ARID5B: variants seen among roughly 807,000 people sequenced by gnomAD.
ARID5B encodes the protein AT-rich interaction domain 5B, also known as AT-rich interactive domain-containing protein 5B.
ARID5B carries 13 observed loss-of-function variants against 97.2 expected under a neutral mutation model. That is an observed-to-expected ratio of 0.13 (90% confidence interval 0.09 to 0.21). The LOEUF (loss-of-function observed/expected upper bound fraction) is 0.21, where lower values mean the gene tolerates loss of function less well. Ranked by LOEUF, ARID5B falls within the 10% of genes least tolerant of loss-of-function variation. ARID5B has a pLI of 1.00. For missense variants in ARID5B, 1,210 were observed against 1,465.3 expected, an observed-to-expected ratio of 0.83 and a Z score of 2.84; for synonymous variants, 556 against 570.3, an observed-to-expected ratio of 0.97 and a Z score of 0.36.
chr10:61,907,988 G>C (rs145722583), intron 2 of ARID5B, among the ~76,000 whole-genome samples: 49 of 152,246 alleles, frequency 3.2e-4, no homozygotes, highest in Admixed American at 5.2e-4. Context: ...TTGAGTTTTG[G>C]CCATTAACCA....
intron 2 of ARID5B, among the ~76,000 whole-genome samples, chr10:61,903,269 C>G (rs949109139): frequency 7.9e-5 from 12 of 151,032 alleles, no homozygotes; most frequent in African/African-American, 2.9e-4. Context: ...CCGGGGAGGG[C>G]GGGGAGGGGA....
chr10:62,092,450 T>A lies in ARID5B; in HGVS notation c.2987T>A (p.Ile996Asn). ...FRKMEGMVHP[I>N]LHRKMSPQNI... ...AAGATGGAAGGCATGGTCCACCCAATCCTGCACCGGAAAATGAGCCCGCAG... is the reference window on the plus strand; with the variant it reads ...AAGATGGAAGGCATGGTCCACCCAAACCTGCACCGGAAAATGAGCCCGCAG... The change falls in exon 10 of 10, where the codon ATC becomes AAC. Residue 996 changes from isoleucine (I) to asparagine (N), a missense_variant. Physicochemically the swap from Ile to Asn is moderately radical, Grantham distance 149 (BLOSUM62 -3). Around this residue, in one of 8 missense-constraint regions of ARID5B, gnomAD observed 800 missense variants for 839.1 expected, o/e 0.95. Transcript: ENST00000279873. The A allele has an allele frequency of 1.2e-6, 2 of 1,614,122 alleles. No individual in the cohort carries two copies. The highest frequency in any genetic ancestry group is 1.7e-6 in the Non-Finnish European group (2 of 1,180,010).
intron 6 of ARID5B, among the ~76,000 whole-genome samples, chr10:62,058,197 A>G (rs1013754203): frequency 1.3e-5 from 2 of 152,192 alleles, no homozygotes; most frequent in Admixed American, 6.5e-5. Flanking sequence ...AATGATTACA[A>G]TGTTTGTCTG....
intron 8 of ARID5B, among the ~76,000 whole-genome samples, chr10:62,084,513 T>C (rs1840255958): frequency 6.6e-6 from 1 of 152,212 alleles, no homozygotes; most frequent in South Asian, 2.1e-4. Context: ...CTTCATTGAG[T>C]CAACTTGTCT....
At chr10:61,999,588 T>C (rs1247858192) in intron 3 of ARID5B, among the ~76,000 whole-genome samples, 1 of 152,266 alleles carries the variant, frequency 6.6e-6, no homozygotes, top group African/African-American at 2.4e-5. Context: ...CAGGAAAAGA[T>C]GAAAATTCAA....
At chr10:62,066,131 T>C (rs1172280035) in intron 7 of ARID5B, among the ~76,000 whole-genome samples, 1 of 152,148 alleles carries the variant, frequency 6.6e-6, no homozygotes. Context: ...TATAAGCAAG[T>C]ACATAATTAG....
intron 4 of ARID5B, among the ~76,000 whole-genome samples, chr10:62,027,285 C>CTTTTTTTTTTTTTTT (rs777291593): frequency 1.5e-5 from 1 of 67,406 alleles, no homozygotes; most frequent in Non-Finnish European, 2.7e-5. Context: ...ACAGTATCTC[C>CTTTTTTTTTTTTTTT]TTTTTTTTTT....
intron 4 of ARID5B, among the ~76,000 whole-genome samples, chr10:62,019,601 A>G (rs924975380): frequency 1.3e-5 from 2 of 152,198 alleles, no homozygotes; most frequent in Admixed American, 6.5e-5. Context: ...GTTTAAGAGT[A>G]TTATTATGTA....
chr10:62,053,109 A>G (rs1174052268), intron 5 of ARID5B, among the ~76,000 whole-genome samples: 1 of 152,240 alleles, frequency 6.6e-6, no homozygotes, highest in Non-Finnish European at 1.5e-5. Context: ...GTGTCTTAAC[A>G]TGGTCTTTTC....
intron 3 of ARID5B, among the ~76,000 whole-genome samples, chr10:61,979,231 A>C (rs1191241830): frequency 6.6e-6 from 1 of 152,332 alleles, no homozygotes; most frequent in African/African-American, 2.4e-5. Context: ...TAGGTCCTAC[A>C]TTAGTGAGTT....
chr10:61,919,392 A>G (rs1474022749), intron 2 of ARID5B, among the ~76,000 whole-genome samples: 1 of 152,118 alleles, frequency 6.6e-6, no homozygotes, highest in East Asian at 1.9e-4. Context: ...GGGGATGCTC[A>G]TGGTAGAGGG....
Position 61,940,378 on chromosome 10 carries a change from A to G in ARID5B, c.472A>G (p.Lys158Glu). 1 of 1,613,994 alleles carries G rather than the reference A, an allele frequency of 6.2e-7. No individual in the cohort carries two copies. Among genetic ancestry groups the G allele is most frequent in the African/African-American group, 1.3e-5 (1 of 75,054 alleles). ...AACCCTAAACAGTGGACTCAACTTC[A>G]AAGACGTTCTCAAGGAGAAGGCAGA... ...QSTLNSGLNF[K>E]DVLKEKADLG... The change falls in exon 3 of 10, where the codon AAA (lysine) becomes GAA (glutamate). Residue 158 changes from lysine (K) to glutamate (E), a missense_variant. Lys to Glu is a moderately conservative substitution (Grantham distance 56). Transcript: ENST00000279873.
intron 8 of ARID5B, among the ~76,000 whole-genome samples, chr10:62,076,881 A>G (rs1840144936): frequency 6.6e-6 from 1 of 152,012 alleles, no homozygotes; most frequent in Admixed American, 6.6e-5. Flanking sequence ...CTTTCCCAAC[A>G]CTGTCTTTCT....
chr10:62,010,773 TAAGTC>T (rs1053909968), intron 4 of ARID5B, among the ~76,000 whole-genome samples: 3 of 152,222 alleles, frequency 2.0e-5, no homozygotes, highest in African/African-American at 7.2e-5. Flanking sequence ...GGAGCGTACT[TAAGTC>T]AGGACAAATG....
intron 3 of ARID5B, among the ~76,000 whole-genome samples, chr10:61,951,235 C>T (rs1271722636): frequency 1.3e-5 from 2 of 152,180 alleles, no homozygotes; most frequent in East Asian, 1.9e-4. Context: ...TCAAAGACTT[C>T]GTGAAGTGCT....
At chr10:62,052,735 G>A (rs2132933711) in intron 5 of ARID5B, among the ~76,000 whole-genome samples, 1 of 152,306 alleles carries the variant, frequency 6.6e-6, no homozygotes, top group African/African-American at 2.4e-5. Flanking sequence ...TTAACAAGAA[G>A]GATAGAAGTC....
At position 61,982,413 on chromosome 10, in the gene ARID5B, C is replaced by T. The variant is rs561652903; in HGVS notation, c.503-17678C>T. Among the ~76,000 whole-genome samples, 43 of 152,220 alleles carry T rather than the reference C, an allele frequency of 2.8e-4. No homozygotes were observed. The South Asian group carries it at 8.9e-3, about 32-fold the overall frequency. On this transcript the variant is annotated intron_variant, in intron 3 of 9. Transcript: ENST00000279873. Reference sequence around the variant, plus strand: ...GCTCTGTTGAAGTGGAAACATAAGCCTCCATTAAAGTATAAGGGTTTGCGA... The same window carrying T: ...GCTCTGTTGAAGTGGAAACATAAGCTTCCATTAAAGTATAAGGGTTTGCGA...
chr10:61,914,042 C>T (rs796595924), intron 2 of ARID5B, among the ~76,000 whole-genome samples: 4 of 152,210 alleles, frequency 2.6e-5, no homozygotes, highest in Middle Eastern at 3.2e-3. Context: ...TGAGCTACCG[C>T]GCCCAGCCCT....
intron 3 of ARID5B, among the ~76,000 whole-genome samples, chr10:61,940,743 A>G (rs137915345): frequency 2.6e-4 from 39 of 151,466 alleles, no homozygotes; most frequent in Non-Finnish European, 7.4e-5. Context: ...AGTATGTAGT[A>G]TGACATCTAT....
Sources: allele counts gnomAD v4.1 joint callset (sites outside exome capture counted in the v4.1 genomes callset), GRCh38; gene constraint gnomAD v4.1.1; regional missense constraint gnomAD v4.1.1; transcripts MANE v1.5; gene names NCBI Gene and HGNC (gene_info 2026-07-23, HGNC 2026-07-21).